The following MED12L variants were observed in gnomAD, a reference collection of about 807,000 sequenced individuals.
The protein encoded by MED12L is mediator complex subunit 12L.
Under a neutral mutation model 281.3 loss-of-function variants are expected in MED12L, and 60 were observed. The observed-to-expected ratio is 0.21, with a 90% CI of 0.17 to 0.26. The LOEUF (loss-of-function observed/expected upper bound fraction) is 0.26, where lower values mean the gene tolerates loss of function less well. MED12L is among the 10% of genes least tolerant of loss of function. MED12L has a pLI of 1.00. For synonymous variants in MED12L, 974 were observed against 987.2 expected (o/e 0.99, Z 0.25); for missense variants, 2,146 against 2,680.9 (o/e 0.80, Z 4.41).
chr3:151,220,856 G>T (rs1350592951), intron 16 of MED12L, among the ~76,000 whole-genome samples: 1 of 152,210 alleles, frequency 6.6e-6, no homozygotes, highest in Admixed American at 6.5e-5. Flanking sequence ...TGCTGAAAAG[G>T]TATCTGAAAA....
intron 43 of MED12L, among the ~76,000 whole-genome samples, chr3:151,427,363 T>C (rs1718992473): frequency 6.6e-6 from 1 of 152,186 alleles, no homozygotes; most frequent in Non-Finnish European, 1.5e-5. Flanking sequence ...CCTCTGACTA[T>C]GTACTACCTC....
At chr3:151,294,335 G>A (rs778550664) in intron 16 of MED12L, 35 of 1,613,916 alleles carry the variant, frequency 2.2e-5, no homozygotes, top group East Asian at 8.9e-5. Context: ...AACATTACAC[G>A]CAGACAAGAA....
At chr3:151,428,979 T>C (rs1268610407) in intron 43 of MED12L, among the ~76,000 whole-genome samples, 2 of 152,168 alleles carry the variant, frequency 1.3e-5, no homozygotes, top group South Asian at 2.1e-4. Flanking sequence ...CTTGACAAGC[T>C]CTGAGGAGGA....
At chr3:151,320,301 C>T (rs927671631) in intron 16 of MED12L, among the ~76,000 whole-genome samples, 2 of 152,138 alleles carry the variant, frequency 1.3e-5, no homozygotes, top group African/African-American at 4.8e-5. Context: ...TATTACAAAA[C>T]AAAGACAAGC....
chr3:151,244,262 C>A (rs1332577664), intron 16 of MED12L, among the ~76,000 whole-genome samples: 79 of 131,322 alleles, frequency 6.0e-4, no homozygotes, highest in Middle Eastern at 3.8e-3. Context: ...CTGCACCAAG[C>A]GGACCTAATA....
chr3:151,411,141 T>C, intron 40 of MED12L, 137 bp from the exon 41 acceptor site: 1 of 687,036 alleles, frequency 1.5e-6, no homozygotes. Flanking sequence ...TCCTCAAATT[T>C]TGAGTTATGA....
At chr3:151,120,604 G>A (rs1209730676) in intron 3 of MED12L, among the ~76,000 whole-genome samples, 1 of 152,086 alleles carries the variant, frequency 6.6e-6, no homozygotes, top group Non-Finnish European at 1.5e-5. Flanking sequence ...TGTGCATAAT[G>A]AGCTATACAT....
chr3:151,145,165 G>A (rs112698570), intron 5 of MED12L, among the ~76,000 whole-genome samples: 87 of 152,292 alleles, frequency 5.7e-4, no homozygotes, highest in African/African-American at 2.0e-3. Flanking sequence ...TCCAAAGCTG[G>A]TAAGTGATTG....
chr3:151,328,229 A>G (rs945204880), intron 16 of MED12L: 8 of 1,613,752 alleles, frequency 5.0e-6, no homozygotes, highest in Non-Finnish European at 6.8e-6. Flanking sequence ...AGTATATGGA[A>G]CTCTGGCAAA....
chr3:151,119,769 A>G (rs1423004638), intron 3 of MED12L, among the ~76,000 whole-genome samples: 3 of 152,184 alleles, frequency 2.0e-5, no homozygotes, highest in Non-Finnish European at 1.5e-5. Context: ...TTTCTGTGAG[A>G]TTTACTCAAG....
At chr3:151,109,344 G>A (rs748843861) in intron 2 of MED12L, among the ~76,000 whole-genome samples, 8 of 152,238 alleles carry the variant, frequency 5.3e-5, no homozygotes, top group Non-Finnish European at 8.8e-5. Flanking sequence ...GCACTGGGCC[G>A]AAGGTCTGAT....
intron 16 of MED12L, among the ~76,000 whole-genome samples, chr3:151,265,804 A>G (rs557186055): frequency 1.3e-4 from 20 of 152,274 alleles, no homozygotes; most frequent in Admixed American, 1.3e-3. Flanking sequence ...TTTGTATAAA[A>G]AAATTTCTCC....
intron 16 of MED12L, chr3:151,336,847 A>AT (rs1300035766): frequency 5.0e-6 from 1 of 198,634 alleles, no homozygotes; most frequent in East Asian, 1.5e-4. Context: ...ACAAAGAATG[A>AT]TTTAGAGTTT....
chr3:151,181,241 AT>A (rs1722658352), intron 11 of MED12L, among the ~76,000 whole-genome samples: 1 of 152,170 alleles, frequency 6.6e-6, no homozygotes, highest in African/African-American at 2.4e-5. Context: ...AAAATTTGGA[AT>A]ATATGCAAAA....
chr3:151,086,738 G>A (rs916885317), intron 1 of MED12L, 60 bp from the exon 2 acceptor site: 1 of 541,028 alleles, frequency 1.8e-6, no homozygotes, highest in Non-Finnish European at 3.3e-6. Flanking sequence ...GTCCCCATCA[G>A]TGCGTGTCTG....
intron 11 of MED12L, among the ~76,000 whole-genome samples, chr3:151,181,576 C>CTTT (rs57658133): frequency 0.011 from 530 of 47,076 alleles, 25 homozygotes; most frequent in African/African-American, 0.031. Context: ...AGCTCATTGT[C>CTTT]TTTTTTTTTT....
chr3:151,382,695 A>G lies in MED12L; in HGVS notation c.4630A>G (p.Ile1544Val). 7 of 1,612,864 alleles carry G rather than the reference A, an allele frequency of 4.3e-6. No individual in the cohort carries two copies. Among genetic ancestry groups the G allele is most frequent in the Non-Finnish European group, 5.1e-6 (6 of 1,179,416 alleles). The change falls in exon 33 of 45, where the codon ATA (isoleucine) becomes GTA (valine). Residue 1544 changes from isoleucine to valine, a missense_variant. Transcript: ENST00000687756. ...GAGAGAAGAACGATACCAAGATGAC[A>G]TAAAAGCGCGGCAGATGATGCACGA... ...NWREERYQDD[I>V]KARQMMHEAL...
chr3:151,214,541 C>CCCT (rs1469066391), intron 16 of MED12L, among the ~76,000 whole-genome samples: 2 of 151,850 alleles, frequency 1.3e-5, no homozygotes, highest in Non-Finnish European at 2.9e-5. Context: ...TTTCTCCTTT[C>CCCT]CCTCCCTCTT....
At chr3:151,213,491 T>C (rs2149220399) in intron 16 of MED12L, 4 of 1,614,190 alleles carry the variant, frequency 2.5e-6, no homozygotes, top group East Asian at 4.5e-5. Context: ...AATTCTTTCA[T>C]ATACCGCAAG....
Sources: gnomAD v4.1 joint callset for allele counts (sites outside exome capture counted in the v4.1 genomes callset) on GRCh38, gnomAD v4.1.1 for gene constraint, MANE v1.5 for transcripts, NCBI Gene and HGNC (gene_info 2026-07-23, HGNC 2026-07-21) for gene names.